Variants in CCDC47 observed in about 807,000 individuals in gnomAD.
CCDC47 encodes the protein PAT complex subunit CCDC47.
CCDC47 carries 41 observed loss-of-function variants against 60.5 expected under a neutral mutation model. That is an observed-to-expected ratio of 0.68 (90% CI 0.53 to 0.88). The LOEUF (loss-of-function observed/expected upper bound fraction) is 0.88, where lower values mean the gene tolerates loss of function less well. Ranked by LOEUF, CCDC47 falls within the 40% of genes least tolerant of loss-of-function variation. The pLI is 0.00. For synonymous variants in CCDC47, 195 were observed against 190.7 expected, an observed-to-expected ratio of 1.02 and a Z score of -0.18; for missense variants, 513 against 580.9, an observed-to-expected ratio of 0.88 and a Z score of 1.20.
chr17:63,751,525 AAAACAAAAATAC>A (rs1241358496), intron 12 of CCDC47, among the ~76,000 whole-genome samples: 17 of 152,214 alleles, frequency 1.1e-4, no homozygotes, highest in African/African-American at 3.4e-4. Flanking sequence ...TAAAAAACAG[AAAACAAAAATAC>A]AAACAAAAAT....
At chr17:63,753,990 C>T (rs937945690) in intron 9 of CCDC47, among the ~76,000 whole-genome samples, 1 of 152,126 alleles carries the variant, frequency 6.6e-6, no homozygotes, top group Non-Finnish European at 1.5e-5. Context: ...CCTGTAATCC[C>T]AGCTACTCAG....
intron 7 of CCDC47, 23 bp from the exon 8 acceptor site, chr17:63,756,373 G>T: frequency 6.3e-7 from 1 of 1,598,010 alleles, no homozygotes; most frequent in Non-Finnish European, 8.6e-7. Context: ...GTAATTGAAA[G>T]TAAGATATGA....
intron 1 of CCDC47, among the ~76,000 whole-genome samples, chr17:63,768,267 T>C (rs1240952212): frequency 6.6e-6 from 1 of 152,214 alleles, no homozygotes. Context: ...ATTCCTGAAC[T>C]GAACATAAAT....
Position 63,756,707 on chromosome 17 carries a change from T to G in CCDC47, c.736-137A>C, listed in dbSNP as rs1598307153. 4 of 631,482 alleles carry G rather than the reference T, an allele frequency of 6.3e-6. No homozygotes were observed. In the East Asian group the frequency reaches 1.1e-4, roughly 17 times the overall value. 39.1% of individuals were successfully genotyped at this position (631,482 alleles called of 1,614,324 possible). On this transcript the variant is annotated intron_variant, in intron 6 of 12. Transcript: ENST00000225726. ...AAGTGATTGGGATTTGCAAATATGA[T>G]GGAATATTACCCCCATAATCAGGCT... is the stretch of plus-strand genomic sequence containing the variant.
intron 4 of CCDC47, among the ~76,000 whole-genome samples, 179 bp downstream of exon 4, chr17:63,763,837 T>G (rs1267271992): frequency 6.8e-6 from 1 of 147,950 alleles, no homozygotes; most frequent in African/African-American, 2.5e-5. Flanking sequence ...ATAGTAATAA[T>G]AATAATAAAA....
intron 6 of CCDC47, 121 bp from the exon 7 acceptor site, chr17:63,756,691 G>C: frequency 1.5e-6 from 1 of 661,152 alleles, no homozygotes; most frequent in Non-Finnish European, 2.6e-6. Context: ...TAAGTGATTG[G>C]GATTTGCAAA....
chr17:63,768,449 A>G (rs181646353), intron 1 of CCDC47, among the ~76,000 whole-genome samples: 2,505 of 150,064 alleles, frequency 0.017, 79 homozygotes, highest in African/African-American at 0.059. Context: ...GCACTGTGGG[A>G]GACTGGGGTG....
chr17:63,766,482 G>GGT (rs778491221), intron 1 of CCDC47, among the ~76,000 whole-genome samples: 120 of 152,212 alleles, frequency 7.9e-4, no homozygotes, highest in Admixed American at 3.0e-3. Context: ...GGAGCACAAT[G>GGT]GTGTGATCTT....
chr17:63,764,757 G>C lies in CCDC47; in HGVS notation c.355C>G (p.Pro119Ala), dbSNP rs200830640. ...ATACCTACATCAACAATCGTTATTG[G>C]GTCTTTATTTTTGCTAGAAGAAGTA... ...PDTSSSKNKD[P>A]ITIVDVPAHL... is the part of the protein sequence containing the mutation. Residue 119 changes from proline to alanine, a missense_variant, in exon 3 of 13, where the codon CCA becomes GCA. Physicochemically the swap from Pro to Ala is conservative, Grantham distance 27. Coordinates refer to ENST00000225726, the MANE Select transcript of CCDC47 (RefSeq NM_020198.3). 593 of 1,612,456 alleles carry C rather than the reference G, an allele frequency of 3.7e-4. 2 individuals are homozygous for C. The highest frequency in any genetic ancestry group is 4.9e-4 in the Non-Finnish European group (579 of 1,179,670).
At chr17:63,759,708 GA>G (rs1184172791) in intron 6 of CCDC47, among the ~76,000 whole-genome samples, 1 of 150,086 alleles carries the variant, frequency 6.7e-6, no homozygotes, top group African/African-American at 2.4e-5. Context: ...TTATAGAAAA[GA>G]AAAAAACTGT....
intron 12 of CCDC47, among the ~76,000 whole-genome samples, chr17:63,748,615 A>G (rs571235846): frequency 1.5e-4 from 23 of 152,244 alleles, no homozygotes; most frequent in African/African-American, 5.1e-4. Context: ...CCCATATTAC[A>G]TATTACACAC....
At chr17:63,757,212 A>AC (rs1259233392) in intron 6 of CCDC47, among the ~76,000 whole-genome samples, 5 of 147,904 alleles carry the variant, frequency 3.4e-5, no homozygotes, top group African/African-American at 1.2e-4. Flanking sequence ...AAAAAAAAAA[A>AC]GAAAGAAAAA....
chr17:63,752,370 T>A lies in CCDC47; in HGVS notation c.1153A>T (p.Met385Leu), dbSNP rs761325501. 5 of 1,614,058 alleles carry A rather than the reference T, an allele frequency of 3.1e-6. No homozygotes were observed. Among genetic ancestry groups the A allele is most frequent in the Non-Finnish European group, 4.2e-6 (5 of 1,179,948 alleles). The change falls in exon 11 of 13, where the codon ATG becomes TTG. Residue 385 changes from methionine to leucine, a missense_variant. Transcript: ENST00000225726. The stretch of plus-strand genomic sequence containing the variant: ...GCTTTATCAATAGAATAAATCACCA[T>A]GTTCATCAGGGGTAGCAGTGCCTCC... Reference protein sequence around the residue: ...DMEALLPLMNMVIYSIDKAKK... With the variant: ...DMEALLPLMNLVIYSIDKAKK...
At chr17:63,751,696 A>T (rs759001478) in intron 12 of CCDC47, 16 of 568,374 alleles carry the variant, frequency 2.8e-5, no homozygotes, top group African/African-American at 5.6e-5. Flanking sequence ...GAATTTTCAA[A>T]ATGAAATTGT....
Position 63,766,105 on chromosome 17 carries a change from T to G in CCDC47, c.71A>C (p.Asp24Ala). ...FGSVSEAKFD[D>A]FEDEEDIVEY... ...TACTATGTCCTCCTCATCCTCAAAA[T>G]CATCAAACTTGGCTTCAGAGACACT... The change falls in exon 2 of 13, where the codon GAT becomes GCT. Residue 24 changes from aspartate to alanine, a missense_variant. Coordinates refer to ENST00000225726, the MANE Select transcript of CCDC47 (RefSeq NM_020198.3). The G allele has an allele frequency of 1.2e-6, 2 of 1,613,734 alleles. No homozygotes were observed. The highest frequency in any genetic ancestry group is 1.7e-6 in the Non-Finnish European group (2 of 1,179,942).
chr17:63,752,076 CG>C lies in CCDC47; in HGVS notation c.1234del (p.Arg412GlufsTer2). 1 of 1,613,784 alleles carries C rather than the reference CG, an allele frequency of 6.2e-7. No individual in the cohort carries two copies. ...GKQKADKNRARVEENFLKLTH... is the reference protein window; with the variant it reads ...GKQKADKNRAXVEENFLKLTH... ...CAGTTTCAAGAAGTTCTCTTCTACT[CG>C]GGCACGGTTCTTATCTGCTTTTTGT... is the stretch of plus-strand genomic sequence containing the variant. On this transcript the variant is annotated frameshift_variant, in exon 12 of 13. Coordinates refer to ENST00000225726, the MANE Select transcript of CCDC47 (RefSeq NM_020198.3). LOFTEE classifies it high-confidence loss of function.
At chr17:63,755,137 A>AT (rs1363556117) in intron 8 of CCDC47, among the ~76,000 whole-genome samples, 11 of 152,094 alleles carry the variant, frequency 7.2e-5, no homozygotes, top group South Asian at 2.1e-4. Flanking sequence ...CACCTGGCTA[A>AT]TTTTTTTATT....
intron 6 of CCDC47, among the ~76,000 whole-genome samples, chr17:63,759,554 T>A (rs1256214027): frequency 0.15 from 5,301 of 36,302 alleles, 1,649 homozygotes; most frequent in African/African-American, 0.25. Flanking sequence ...TATATATATA[T>A]ATATATATAT....
chr17:63,753,252 T>C (rs757457868), intron 9 of CCDC47: 4 of 904,398 alleles, frequency 4.4e-6, no homozygotes, highest in Non-Finnish European at 5.3e-6. Flanking sequence ...TACTACAGCA[T>C]ATATAATTTA....
Sources: gnomAD v4.1 joint callset for allele counts (sites outside exome capture counted in the v4.1 genomes callset) on GRCh38, gnomAD v4.1.1 for gene constraint, MANE v1.5 for transcripts, NCBI Gene and HGNC (gene_info 2026-07-23, HGNC 2026-07-21) for gene names.